The following CCDC170 variants were observed in gnomAD, a reference collection of about 807,000 sequenced individuals.
CCDC170 encodes coiled-coil domain-containing protein 170.
In CCDC170, 69 loss-of-function variants were observed where a neutral mutation model predicts 72.6. The observed-to-expected ratio is 0.95, with a 90% CI of 0.78 to 1.16. The LOEUF is 1.16. Ranked by LOEUF, CCDC170 falls within the 50% of genes most tolerant of loss-of-function variation. The pLI is 0.00. For missense variants in CCDC170, 852 were observed against 832.5 expected, an observed-to-expected ratio of 1.02 and a Z score of -0.29; for synonymous variants, 300 against 303.9, an observed-to-expected ratio of 0.99 and a Z score of 0.13.
intron 5 of CCDC170, among the ~76,000 whole-genome samples, chr6:151,570,629 T>G (rs1776203762): frequency 6.6e-6 from 1 of 152,208 alleles, no homozygotes; most frequent in South Asian, 2.1e-4. Flanking sequence ...TTTTCATATC[T>G]TCCGGGGTCC....
At chr6:151,549,066 AT>A (rs1206737086) in intron 5 of CCDC170, among the ~76,000 whole-genome samples, 1 of 151,940 alleles carries the variant, frequency 6.6e-6, no homozygotes, top group East Asian at 1.9e-4. Context: ...CACCCGGCTA[AT>A]TTTGTTTTTT....
rs753228753 is a variant in CCDC170 at position 151,596,560 on chromosome 6, G to T, written c.1693G>T (p.Asp565Tyr). ...CACCGAGCTCAAAGCCAAACTGGCCGACACCAATGAACTGAAGGCAAGTGC... is the reference window on the plus strand; with the variant it reads ...CACCGAGCTCAAAGCCAAACTGGCCTACACCAATGAACTGAAGGCAAGTGC... Reference protein sequence around the residue: ...LHTELKAKLADTNELKIKTLE... With the variant: ...LHTELKAKLAYTNELKIKTLE... Residue 565 changes from aspartate to tyrosine, a missense_variant, in exon 9 of 11, where the codon GAC becomes TAC. Physicochemically the swap from Asp to Tyr is radical, Grantham distance 160. Coordinates refer to ENST00000239374, the MANE Select transcript of CCDC170 (RefSeq NM_025059.4). The T allele has an allele frequency of 3.7e-6, 6 of 1,614,030 alleles. No homozygotes were observed. The highest frequency in any genetic ancestry group is 1.1e-5 in the South Asian group (1 of 91,034).
chr6:151,607,539 T>C (rs1776804144), intron 9 of CCDC170, among the ~76,000 whole-genome samples: 1 of 152,232 alleles, frequency 6.6e-6, no homozygotes, highest in Non-Finnish European at 1.5e-5. Flanking sequence ...CAAACATTTC[T>C]TCTTGCGCTT....
intron 10 of CCDC170, among the ~76,000 whole-genome samples, chr6:151,617,265 T>C (rs557452905): frequency 4.6e-5 from 7 of 152,310 alleles, no homozygotes; most frequent in African/African-American, 1.7e-4. Context: ...CAGCCCCTAC[T>C]TTTCTTTCTT....
intron 4 of CCDC170, among the ~76,000 whole-genome samples, chr6:151,546,537 C>T (rs1782774570): frequency 2.6e-5 from 4 of 152,088 alleles, no homozygotes; most frequent in Non-Finnish European, 1.5e-5. Flanking sequence ...AGAGCTTTCA[C>T]GTGTGAACTG....
chr6:151,531,886 AG>A (rs748442239), intron 1 of CCDC170, among the ~76,000 whole-genome samples: 33 of 152,228 alleles, frequency 2.2e-4, no homozygotes, highest in Non-Finnish European at 4.1e-4. Context: ...CTATGAGAAC[AG>A]GGGTAACTGC....
intron 6 of CCDC170, among the ~76,000 whole-genome samples, chr6:151,575,609 A>C (rs1776291584): frequency 7.9e-6 from 1 of 125,802 alleles, no homozygotes; most frequent in Non-Finnish European, 1.6e-5. Flanking sequence ...GGCTCACTGC[A>C]ATCTCCGCCT....
intron 1 of CCDC170, among the ~76,000 whole-genome samples, chr6:151,532,084 T>G (rs938109621): frequency 1.2e-4 from 18 of 152,074 alleles, no homozygotes; most frequent in African/African-American, 4.1e-4. Flanking sequence ...GTATAAAAAT[T>G]GGAAAGAAGA....
Position 151,618,336 on chromosome 6 carries a change from G to T in CCDC170, c.*189G>T, listed in dbSNP as rs530442293. On this transcript the variant is annotated 3_prime_UTR_variant, in exon 11 of 11. Coordinates refer to ENST00000239374, the MANE Select transcript of CCDC170 (RefSeq NM_025059.4). Reference sequence around the variant, plus strand: ...TAGATAAACGTTCAGCATTAAAAACGCCTATTATTTCATTTACTAGCATTT... The same window carrying T: ...TAGATAAACGTTCAGCATTAAAAACTCCTATTATTTCATTTACTAGCATTT... The T allele has an allele frequency of 1.1e-5, 6 of 558,878 alleles. 1 individual carries two copies. The South Asian group carries it at 1.6e-4, about 14-fold the overall frequency. The allele number at this position is 558,878 out of a possible 1,614,324, so 34.6% of individuals were successfully genotyped here. A position where few individuals can be genotyped will look rare whatever the true frequency, so the allele number is the denominator to read the frequency against.
At chr6:151,545,090 A>G (rs1782750917) in intron 4 of CCDC170, among the ~76,000 whole-genome samples, 1 of 152,102 alleles carries the variant, frequency 6.6e-6, no homozygotes, top group African/African-American at 2.4e-5. Flanking sequence ...ATACTGATTG[A>G]GTGTGAGATC....
At chr6:151,554,232 G>A (rs565557862) in intron 5 of CCDC170, among the ~76,000 whole-genome samples, 24 of 152,226 alleles carry the variant, frequency 1.6e-4, no homozygotes, top group Admixed American at 3.3e-4. Flanking sequence ...CATTTTGCCT[G>A]GGCAAGCCAC....
chr6:151,574,113 T>C (rs1583033024), intron 6 of CCDC170, among the ~76,000 whole-genome samples: 1 of 152,184 alleles, frequency 6.6e-6, no homozygotes, highest in Non-Finnish European at 1.5e-5. Flanking sequence ...CCTGGCAGGC[T>C]GAAGTGGAAG....
intron 1 of CCDC170, among the ~76,000 whole-genome samples, chr6:151,514,795 C>T (rs17081334): frequency 0.011 from 1,615 of 152,026 alleles, 29 homozygotes; most frequent in African/African-American, 0.035. Flanking sequence ...CAAAGTGAGT[C>T]GGAAGGGAGA....
rs1437637829 is a variant in CCDC170 at position 151,618,207 on chromosome 6, A to C, written c.*60A>C. On this transcript the variant is annotated 3_prime_UTR_variant, in exon 11 of 11. Transcript: ENST00000239374. ...ATGGCACACAATTCCCAATTTCACA[A>C]ATTCCTCATGTCTTTGAGATTTGAT... 1 of 1,397,716 alleles carries C rather than the reference A, an allele frequency of 7.2e-7. No individual in the cohort carries two copies. 86.6% of individuals were successfully genotyped at this position (1,397,716 alleles called of 1,614,324 possible).
intron 9 of CCDC170, among the ~76,000 whole-genome samples, chr6:151,597,399 A>G (rs914409603): frequency 2.6e-5 from 4 of 152,194 alleles, no homozygotes; most frequent in African/African-American, 9.7e-5. Flanking sequence ...AAGTGCTGGG[A>G]TTACAAGTGT....
At chr6:151,564,581 C>CG (rs1776098294) in intron 5 of CCDC170, among the ~76,000 whole-genome samples, 1 of 152,178 alleles carries the variant, frequency 6.6e-6, no homozygotes, top group Admixed American at 6.5e-5. Flanking sequence ...CTCAAGCTGT[C>CG]TGTGCTGGTG....
chr6:151,536,693 T>A (rs1275672915), intron 2 of CCDC170, among the ~76,000 whole-genome samples: 1 of 142,240 alleles, frequency 7.0e-6, no homozygotes, highest in Non-Finnish European at 1.5e-5. Context: ...GAGAATCACT[T>A]GAATCCGGGA....
At chr6:151,510,058 G>C (rs1486404368) in intron 1 of CCDC170, among the ~76,000 whole-genome samples, 1 of 152,214 alleles carries the variant, frequency 6.6e-6, no homozygotes, top group African/African-American at 2.4e-5. Flanking sequence ...GGGAGGTGGA[G>C]GTTGCGGTGA....
intron 1 of CCDC170, among the ~76,000 whole-genome samples, chr6:151,522,372 A>G (rs4869735): frequency 0.064 from 9,725 of 152,176 alleles, 520 homozygotes; most frequent in East Asian, 0.24. Context: ...AGTATGTTCA[A>G]TTCTTTGACT....
Sources: allele counts gnomAD v4.1 joint callset (sites outside exome capture counted in the v4.1 genomes callset), GRCh38; gene constraint gnomAD v4.1.1; transcripts MANE v1.5; gene names NCBI Gene and HGNC (gene_info 2026-07-23, HGNC 2026-07-21).